The following MFSD11 variants were observed in gnomAD, a reference collection of about 807,000 sequenced individuals.
MFSD11 encodes UNC93-like protein MFSD11.
Under a neutral mutation model 53.5 loss-of-function variants are expected in MFSD11, and 36 were observed. The ratio of observed to expected loss-of-function variants is 0.67; its 90% CI spans 0.52 to 0.89. MFSD11 has a LOEUF of 0.89. MFSD11 is among the 40% of genes least tolerant of loss of function. The pLI is 0.00. For missense variants in MFSD11, 530 were observed against 543.9 expected, an observed-to-expected ratio of 0.97 and a Z score of 0.25; for synonymous variants, 186 against 184.9, an observed-to-expected ratio of 1.01 and a Z score of -0.05.
chr17:76,780,916 A>G (rs904037901), downstream of MFSD11: 1 of 152,204 alleles, frequency 6.6e-6, no homozygotes. Context: ...TTTTAGACTT[A>G]ACAGTAGTGA....
At chr17:76,765,203 A>G (rs140076766) in intron 8 of MFSD11, among the ~76,000 whole-genome samples, 1 of 152,300 alleles carries the variant, frequency 6.6e-6, no homozygotes, top group East Asian at 1.9e-4. Flanking sequence ...ATGGAAATCC[A>G]GCTTTATTCT....
chr17:76,753,007 C>T (rs2079193470), intron 7 of MFSD11: 1 of 135,530 alleles, frequency 7.4e-6, no homozygotes, highest in Non-Finnish European at 1.6e-5. Context: ...TGAAGTGTTC[C>T]ATATTTAAAA....
chr17:76,739,094 A>G, intron 2 of MFSD11, 101 bp downstream of exon 2: 1 of 916,696 alleles, frequency 1.1e-6, no homozygotes, highest in South Asian at 1.4e-5. Flanking sequence ...ATAAGTGGTG[A>G]TGGCATTTTC....
At chr17:76,760,817 A>G (rs1170513862) in intron 8 of MFSD11, among the ~76,000 whole-genome samples, 1 of 152,066 alleles carries the variant, frequency 6.6e-6, no homozygotes, top group Non-Finnish European at 1.5e-5. Context: ...GGCGTGAGCC[A>G]CTGTGCCTGG....
chr17:76,759,469 T>C (rs1384073835), intron 8 of MFSD11, among the ~76,000 whole-genome samples: 2 of 151,756 alleles, frequency 1.3e-5, no homozygotes, highest in Non-Finnish European at 2.9e-5. Flanking sequence ...ATTTTTCTTT[T>C]TTTGAGATGG....
At chr17:76,761,455 C>A (rs1014963812) in intron 8 of MFSD11, among the ~76,000 whole-genome samples, 5 of 152,034 alleles carry the variant, frequency 3.3e-5, no homozygotes, top group African/African-American at 1.2e-4. Flanking sequence ...ATAGATTACC[C>A]TAGCCATAAA....
chr17:76,769,736 T>G lies in MFSD11; in HGVS notation c.749-10T>G. On this transcript the variant is annotated splice_polypyrimidine_tract_variant and intron_variant, in intron 9 of 12. Coordinates refer to ENST00000685175, the MANE Select transcript of MFSD11 (RefSeq NM_001242532.5). ...TATAAATGACATCTGTTTTTTTTCTTTAACTAAAGGTCTGGAATTAACTTT... is the reference window on the plus strand; with the variant it reads ...TATAAATGACATCTGTTTTTTTTCTGTAACTAAAGGTCTGGAATTAACTTT... 6.3e-7 allele frequency: 1 copy of G among 1,574,956 alleles called. No homozygotes were observed. Among genetic ancestry groups the G allele is most frequent in the Non-Finnish European group, 8.6e-7 (1 of 1,165,076 alleles).
chr17:76,780,512 T>C (rs531909068), downstream of MFSD11, among the ~76,000 whole-genome samples: 68 of 148,838 alleles, frequency 4.6e-4, no homozygotes, highest in Non-Finnish European at 7.5e-4. Context: ...GGTTGTTGTG[T>C]ATGTGTTTTT....
the MFSD11 span, among the ~76,000 whole-genome samples, chr17:76,798,550 C>T: frequency 6.6e-6 from 1 of 152,104 alleles, no homozygotes; most frequent in Non-Finnish European, 1.5e-5. Flanking sequence ...CAGAGAGGCT[C>T]ATAACAACCA....
Position 76,738,146 on chromosome 17 carries a change from T to G in MFSD11, c.-207T>G. On this transcript the variant is annotated 5_prime_UTR_variant, in exon 1 of 13. Coordinates refer to ENST00000685175, the MANE Select transcript of MFSD11 (RefSeq NM_001242532.5). The stretch of plus-strand genomic sequence containing the variant: ...GCTCTTCCGTACTCGGATCGCTTCT[T>G]AGGAGTATCCTAACTGCCGGTGGGG... The G allele has an allele frequency of 1.7e-6, 1 of 601,464 alleles. No individual in the cohort carries two copies. Among genetic ancestry groups the G allele is most frequent in the Non-Finnish European group, 2.9e-6 (1 of 340,760 alleles). 37.3% of individuals were successfully genotyped at this position (601,464 alleles called of 1,614,324 possible).
chr17:76,801,364 CAAAAAAA>C, the MFSD11 span, among the ~76,000 whole-genome samples: 4 of 72,238 alleles, frequency 5.5e-5, no homozygotes, highest in Admixed American at 4.6e-4. Context: ...GGCTCTGTCT[CAAAAAAA>C]AAAAAAAAAA....
Position 76,776,675 on chromosome 17 carries a change from C to T in MFSD11, c.1185+134C>T, listed in dbSNP as rs544536568. ...TTTATTTTTTTGATAGAGTCTCTCT[C>T]TGTCACTCAGGCTGGAGTGCAGTAG... On this transcript the variant is annotated intron_variant, in intron 12 of 12. Transcript: ENST00000685175. The surrounding 1 kb of genome is among the most constrained non-coding windows in gnomAD (Gnocchi z 4.2). 1.3e-5 allele frequency: 12 copies of T among 892,124 alleles called. No homozygotes were observed. The highest frequency in any genetic ancestry group is 1.9e-5 in the Non-Finnish European group (12 of 641,058). The allele number at this position is 892,124 out of a possible 1,614,324, so 55.3% of individuals were successfully genotyped here.
In MFSD11 at chr17:76,758,555, C is replaced by T. The variant is rs1449991900; in HGVS notation, c.682+4468C>T. ...CAGTGATGGCGCCACTGCACTCCAG[C>T]ATGGGCACAGAGCGAGACCAGGTCT... On this transcript the variant is annotated intron_variant, in intron 8 of 12. Transcript: ENST00000685175. 2.4e-5 allele frequency among the ~76,000 whole-genome samples: 3 copies of T among 127,062 alleles called. No homozygotes were observed. The East Asian group carries it at 7.1e-4, about 30-fold the overall frequency. 83.4% of individuals were successfully genotyped at this position (127,062 alleles called of 152,430 possible).
At chr17:76,801,863 T>A in the MFSD11 span, among the ~76,000 whole-genome samples, 1 of 152,136 alleles carries the variant, frequency 6.6e-6, no homozygotes, top group Non-Finnish European at 1.5e-5. Context: ...CCTGCTGACC[T>A]CCTGTCTCAT....
At chr17:76,791,536 CAG>C in the MFSD11 span, among the ~76,000 whole-genome samples, 28 of 148,900 alleles carry the variant, frequency 1.9e-4, 4 homozygotes, top group African/African-American at 7.0e-4. Context: ...GAGGAAAAAA[CAG>C]ATGTTTTCTT....
chr17:76,759,405 CCT>C (rs893043058), intron 8 of MFSD11, among the ~76,000 whole-genome samples: 1 of 151,928 alleles, frequency 6.6e-6, no homozygotes. Context: ...GCCTCAATCC[CCT>C]GAGTAGCTGG....
intron 1 of MFSD11, 127 bp from the exon 2 acceptor site, chr17:76,738,811 G>T: frequency 5.7e-6 from 4 of 706,656 alleles, no homozygotes; most frequent in Non-Finnish European, 7.4e-6. Context: ...TCTCATAATG[G>T]ACTTCAGTAT....
At chr17:76,755,742 A>ATATATATGTG (rs2079504156) in intron 8 of MFSD11, among the ~76,000 whole-genome samples, 1 of 126,428 alleles carries the variant, frequency 7.9e-6, no homozygotes, top group Non-Finnish European at 1.7e-5. Context: ...ATATATATGT[A>ATATATATGTG]TATATATGTG....
the MFSD11 span, among the ~76,000 whole-genome samples, chr17:76,789,681 C>T: frequency 6.7e-6 from 1 of 149,830 alleles, no homozygotes; most frequent in African/African-American, 2.4e-5. Context: ...CTGATAGGGG[C>T]CCTCTCCTGC....
Sources: allele counts gnomAD v4.1 joint callset (sites outside exome capture counted in the v4.1 genomes callset), GRCh38; gene constraint gnomAD v4.1.1; non-coding constraint Gnocchi (gnomAD v3.1); transcripts MANE v1.5; gene names NCBI Gene and HGNC (gene_info 2026-07-23, HGNC 2026-07-21).